KCNN3: variants seen among roughly 807,000 people sequenced by gnomAD.
The protein encoded by KCNN3 is small conductance calcium-activated potassium channel protein 3.
In KCNN3, 16 loss-of-function variants were observed where a neutral mutation model predicts 62.9. The observed-to-expected ratio is 0.25, with a 90% CI of 0.17 to 0.39. KCNN3 has a LOEUF of 0.39. Among genes scored for constraint, KCNN3 ranks in the 10% least tolerant of loss-of-function variants. The pLI is 1.00. For synonymous variants in KCNN3, 370 were observed against 389.2 expected (o/e 0.95, Z 0.58); for missense variants, 599 against 949.4 (o/e 0.63, Z 4.85).
chr1:154,819,641 G>C (rs1456194444), intron 2 of KCNN3, among the ~76,000 whole-genome samples: 3 of 152,198 alleles, frequency 2.0e-5, no homozygotes, highest in African/African-American at 7.2e-5. Context: ...TACTGGAAAG[G>C]TAAGAGGCAC....
At chr1:154,739,401 A>T (rs531162542) in intron 3 of KCNN3, among the ~76,000 whole-genome samples, 2 of 152,238 alleles carry the variant, frequency 1.3e-5, no homozygotes, top group African/African-American at 4.8e-5. Context: ...CCACCCCAGG[A>T]TCATCATTAC....
chr1:154,852,948 C>A (rs1311722480), intron 1 of KCNN3, among the ~76,000 whole-genome samples: 1 of 152,102 alleles, frequency 6.6e-6, no homozygotes, highest in African/African-American at 2.4e-5. Flanking sequence ...TAGACATCAC[C>A]TTTTTGGTAA....
chr1:154,812,896 C>T (rs1650475761), intron 2 of KCNN3, among the ~76,000 whole-genome samples: 1 of 152,202 alleles, frequency 6.6e-6, no homozygotes, highest in South Asian at 2.1e-4. Context: ...CAAAGGGCCT[C>T]CTGAACACAA....
At position 154,704,146 on chromosome 1, in the gene KCNN3, G is replaced by A. The variant is rs989209137; in HGVS notation, c.*3830C>T. 1 of 152,206 alleles carries A rather than the reference G, an allele frequency of 6.6e-6. No individual in the cohort carries two copies. The highest frequency in any genetic ancestry group is 1.5e-5 in the Non-Finnish European group (1 of 68,038). 9.4% of individuals were successfully genotyped at this position (152,206 alleles called of 1,614,324 possible). On this transcript the variant is annotated 3_prime_UTR_variant, in exon 8 of 8. Transcript: ENST00000271915. ...TTAATAATAAAAATAGCTTGTACATGCTCAGCGCTTGGAATTTACTTTTGC... is the reference window on the plus strand; with the variant it reads ...TTAATAATAAAAATAGCTTGTACATACTCAGCGCTTGGAATTTACTTTTGC...
chr1:154,837,521 TGGA>T (rs1202499737), intron 1 of KCNN3, among the ~76,000 whole-genome samples: 2 of 152,058 alleles, frequency 1.3e-5, no homozygotes, highest in East Asian at 3.9e-4. Flanking sequence ...TTCCTCACCC[TGGA>T]GGAGCTCTGG....
chr1:154,794,997 T>C (rs1649669897), intron 2 of KCNN3, among the ~76,000 whole-genome samples: 1 of 152,218 alleles, frequency 6.6e-6, no homozygotes, highest in African/African-American at 2.4e-5. Context: ...CAGTTAGTTG[T>C]CATGGCTGGA....
At chr1:154,738,019 G>T (rs967316568) in intron 3 of KCNN3, among the ~76,000 whole-genome samples, 2 of 152,158 alleles carry the variant, frequency 1.3e-5, no homozygotes, top group Admixed American at 1.3e-4. Context: ...CAACTGGGGG[G>T]AAAAGAAGGA....
At position 154,870,085 on chromosome 1, in the gene KCNN3, CCT is replaced by C; in HGVS notation, c.-123_-122del. Reference sequence around the variant, plus strand: ...CCCCCACCAGTATCTTGGCTCCAGTCCTCTCTTTGGCTTGCTTCGGTTCTCTG... The same window carrying C: ...CCCCCACCAGTATCTTGGCTCCAGTCCTCTTTGGCTTGCTTCGGTTCTCTG... On this transcript the variant is annotated 5_prime_UTR_variant, in exon 1 of 8. Transcript: ENST00000271915. 9.1e-6 allele frequency: 11 copies of C among 1,214,706 alleles called. No individual in the cohort carries two copies. The highest frequency in any genetic ancestry group is 1.3e-5 in the Non-Finnish European group (11 of 840,770). 75.2% of individuals were successfully genotyped at this position (1,214,706 alleles called of 1,614,324 possible). A position where few individuals can be genotyped will look rare whatever the true frequency, so the allele number is the denominator to read the frequency against.
intron 7 of KCNN3, among the ~76,000 whole-genome samples, chr1:154,708,587 G>T (rs1160714003): frequency 6.6e-6 from 1 of 151,836 alleles, no homozygotes; most frequent in Non-Finnish European, 1.5e-5. Flanking sequence ...TTCTCACAGG[G>T]CCACAACCTC....
At chr1:154,802,298 G>T (rs1398778878) in intron 2 of KCNN3, among the ~76,000 whole-genome samples, 1 of 152,180 alleles carries the variant, frequency 6.6e-6, no homozygotes, top group Non-Finnish European at 1.5e-5. Context: ...GGCTTACTGA[G>T]CTTCTCAGTA....
intron 1 of KCNN3, among the ~76,000 whole-genome samples, chr1:154,849,768 G>A (rs1358960451): frequency 6.6e-6 from 1 of 152,200 alleles, no homozygotes; most frequent in Non-Finnish European, 1.5e-5. Context: ...TGGTGAGAAT[G>A]AGTCATCGAA....
chr1:154,697,603 C>T lies in KCNN3; in HGVS notation c.*10373G>A, dbSNP rs1699766131. The T allele has an allele frequency of 6.6e-6, 1 of 152,158 alleles. No homozygotes were observed. The highest frequency in any genetic ancestry group is 1.5e-5 in the Non-Finnish European group (1 of 68,024). The allele number at this position is 152,158 out of a possible 1,614,324, so 9.4% of individuals were successfully genotyped here. ...GGGGAAGGCCATAGACTAAGCCCAC[C>T]TTCAAGGTCACACTTCCATATTTTG... On this transcript the variant is annotated 3_prime_UTR_variant, in exon 8 of 8. Transcript: ENST00000271915.
In KCNN3 at chr1:154,845,270, G is replaced by T. The variant is rs527517202; in HGVS notation, c.934-23086C>A. Among the ~76,000 whole-genome samples, 4 of 152,314 alleles carry T rather than the reference G, an allele frequency of 2.6e-5. No homozygotes were observed. In the South Asian group the frequency reaches 8.3e-4, roughly 32 times the overall value. ...GACACCCAGATAAAACCTATTTGCT[G>T]TTCCTGCACTGTATCCTGCCAACTC... On this transcript the variant is annotated intron_variant, in intron 1 of 7. Coordinates refer to ENST00000271915, the MANE Select transcript of KCNN3 (RefSeq NM_002249.6).
intron 1 of KCNN3, among the ~76,000 whole-genome samples, chr1:154,834,519 G>A (rs545542847): frequency 1.1e-4 from 17 of 152,292 alleles, no homozygotes; most frequent in Admixed American, 1.3e-4. Flanking sequence ...ATCTCAAGGC[G>A]GGAGCTCATT....
At chr1:154,806,202 G>A (rs6664312) in intron 2 of KCNN3, among the ~76,000 whole-genome samples, 10,071 of 152,298 alleles carry the variant, frequency 0.066, 389 homozygotes, top group Middle Eastern at 0.12. Flanking sequence ...AGAAGGGACC[G>A]TGGACATTGT....
rs1699845541 is a variant in KCNN3, at chr1:154,701,200, GA to G, written c.*6775del. The G allele has an allele frequency of 6.6e-6, 1 of 152,178 alleles. No homozygotes were observed. The highest frequency in any genetic ancestry group is 2.4e-5 in the African/African-American group (1 of 41,432). The allele number at this position is 152,178 out of a possible 1,614,324, so 9.4% of individuals were successfully genotyped here. ...TTTAAGCTCATATAAATTGAAATTT[GA>G]AGGATTCCAGCCTTTTCCCAGGAGA... On this transcript the variant is annotated 3_prime_UTR_variant, in exon 8 of 8. Coordinates refer to ENST00000271915, the MANE Select transcript of KCNN3 (RefSeq NM_002249.6).
rs1225577443 is a variant in KCNN3 at position 154,742,706 on chromosome 1, G to A, written c.1449-9562C>T. ...CGGACTCAGGGCCTGCTGCTTCTTC[G>A]GGGAAGCAGGGTGTAATGATGCCGT... is the stretch of plus-strand genomic sequence containing the variant. On this transcript the variant is annotated intron_variant, in intron 3 of 7. Coordinates refer to ENST00000271915, the MANE Select transcript of KCNN3 (RefSeq NM_002249.6). Among the ~76,000 whole-genome samples, 6 of 152,202 alleles carry A rather than the reference G, an allele frequency of 3.9e-5. No homozygotes were observed. The South Asian group carries it at 8.3e-4, about 21-fold the overall frequency.
chr1:154,839,083 G>A (rs1468260393), intron 1 of KCNN3, among the ~76,000 whole-genome samples: 2 of 152,188 alleles, frequency 1.3e-5, no homozygotes, highest in Non-Finnish European at 2.9e-5. Context: ...AGATACAGGG[G>A]ACCCAAGTAA....
At chr1:154,780,170 G>C (rs1169949343) in intron 2 of KCNN3, among the ~76,000 whole-genome samples, 1 of 149,506 alleles carries the variant, frequency 6.7e-6, no homozygotes, top group Non-Finnish European at 1.5e-5. Flanking sequence ...GGCATGCAGG[G>C]AAGCTTGCCT....
Sources: gnomAD v4.1 joint callset for allele counts (sites outside exome capture counted in the v4.1 genomes callset) on GRCh38, gnomAD v4.1.1 for gene constraint, MANE v1.5 for transcripts, NCBI Gene and HGNC (gene_info 2026-07-23, HGNC 2026-07-21) for gene names.